The following MMS22L variants were observed in gnomAD, a reference collection of about 807,000 sequenced individuals.
The protein encoded by MMS22L is MMS22 like, DNA repair protein.
Under a neutral mutation model 159.1 loss-of-function variants are expected in MMS22L, and 74 were observed. The ratio of observed to expected loss-of-function variants is 0.47; its 90% confidence interval spans 0.39 to 0.56. The LOEUF (loss-of-function observed/expected upper bound fraction) is 0.56, where lower values mean the gene tolerates loss of function less well. Among genes scored for constraint, MMS22L ranks in the 20% least tolerant of loss-of-function variants. The pLI, the probability that MMS22L is intolerant of heterozygous loss-of-function variation, is 0.00. For missense variants in MMS22L, 1,351 were observed against 1,422.1 expected (o/e 0.95, Z 0.80); for synonymous variants, 517 against 506.9 (o/e 1.02, Z -0.27).
intron 23 of MMS22L, among the ~76,000 whole-genome samples, chr6:97,150,676 T>A (rs1801236216): frequency 1.3e-5 from 2 of 152,120 alleles, no homozygotes; most frequent in African/African-American, 4.8e-5. Flanking sequence ...ACAAATCCAT[T>A]GTTACTGACT....
At chr6:97,239,773 G>C (rs1811854401) in intron 11 of MMS22L, among the ~76,000 whole-genome samples, 1 of 152,116 alleles carries the variant, frequency 6.6e-6, no homozygotes, top group South Asian at 2.1e-4. Context: ...GCCAGACATG[G>C]TGGCATGCAC....
At chr6:97,159,131 A>AT (rs140191756) in intron 22 of MMS22L, among the ~76,000 whole-genome samples, 65,745 of 144,304 alleles carry the variant, frequency 0.46, 14,779 homozygotes, top group South Asian at 0.54. Context: ...GCAACCCCTG[A>AT]TTTTTTTTTT....
chr6:97,209,865 AAGC>A (rs1316075628), intron 14 of MMS22L, among the ~76,000 whole-genome samples: 1 of 151,978 alleles, frequency 6.6e-6, no homozygotes, highest in East Asian at 1.9e-4. Context: ...AAGTGAGAAA[AAGC>A]AGCTCTATAT....
At chr6:97,160,021 T>C (rs556114173) in intron 22 of MMS22L, among the ~76,000 whole-genome samples, 74 of 142,402 alleles carry the variant, frequency 5.2e-4, no homozygotes, top group African/African-American at 1.8e-3. Flanking sequence ...CTTAGCCTAA[T>C]ACTGTTTTCT....
intron 21 of MMS22L, among the ~76,000 whole-genome samples, chr6:97,163,453 G>A (rs1802650943): frequency 6.6e-6 from 1 of 151,742 alleles, no homozygotes; most frequent in African/African-American, 2.4e-5. Context: ...TAAAAAAAAA[G>A]CCTTCAACTA....
At chr6:97,249,833 A>C (rs1813057930) in intron 10 of MMS22L, among the ~76,000 whole-genome samples, 1 of 151,812 alleles carries the variant, frequency 6.6e-6, no homozygotes, top group African/African-American at 2.4e-5. Flanking sequence ...CCAAGTGAGA[A>C]GGGCCATGAC....
At chr6:97,204,505 A>G (rs1202570031) in intron 14 of MMS22L, among the ~76,000 whole-genome samples, 1 of 152,196 alleles carries the variant, frequency 6.6e-6, no homozygotes, top group Non-Finnish European at 1.5e-5. Context: ...AAAAGAATCA[A>G]CTAGGGCTGG....
At position 97,224,963 on chromosome 6, in the gene MMS22L, G is replaced by GTA. The variant is rs1401221960; in HGVS notation, c.2039+3929_2039+3930dup. 2.6e-5 allele frequency among the ~76,000 whole-genome samples: 4 copies of GTA among 152,218 alleles called. No homozygotes were observed. The East Asian group carries it at 7.7e-4, about 29-fold the overall frequency. ...AATATAGTGTAAGAAGGCAGCTGTG[G>GTA]TATAGTTGGTTAAGAGTCTGAGTGC... On this transcript the variant is annotated intron_variant, in intron 14 of 24. Coordinates refer to ENST00000683635, the MANE Select transcript of MMS22L (RefSeq NM_001350599.2).
intron 12 of MMS22L, 101 bp from the exon 13 acceptor site, chr6:97,231,753 C>T (rs1810898607): frequency 1.3e-6 from 1 of 786,576 alleles, no homozygotes; most frequent in African/African-American, 1.8e-5. Flanking sequence ...AAAAGTCTGA[C>T]TCATCTTAAT....
At chr6:97,278,733 G>T in intron 4 of MMS22L, 116 bp downstream of exon 4, 1 of 735,736 alleles carries the variant, frequency 1.4e-6, no homozygotes, top group Non-Finnish European at 2.2e-6. Context: ...GTAAACTTCT[G>T]GCCTAATGCT....
intron 11 of MMS22L, among the ~76,000 whole-genome samples, chr6:97,237,478 T>C (rs893301304): frequency 3.3e-5 from 5 of 152,254 alleles, no homozygotes; most frequent in Admixed American, 3.3e-4. Flanking sequence ...GGCCTTTCTT[T>C]ACGCTTTTAT....
At chr6:97,240,052 C>T (rs1324692662) in intron 11 of MMS22L, among the ~76,000 whole-genome samples, 10 of 152,166 alleles carry the variant, frequency 6.6e-5, no homozygotes, top group Admixed American at 6.5e-4. Flanking sequence ...GAGATCAAGT[C>T]AAAGTACATG....
intron 22 of MMS22L, among the ~76,000 whole-genome samples, chr6:97,154,819 T>G (rs1801665693): frequency 6.6e-6 from 1 of 152,212 alleles, no homozygotes; most frequent in South Asian, 2.1e-4. Context: ...CCTACATATC[T>G]ATCTTTATGC....
intron 4 of MMS22L, among the ~76,000 whole-genome samples, chr6:97,277,123 A>G (rs1175195954): frequency 1.3e-5 from 2 of 152,216 alleles, no homozygotes; most frequent in Non-Finnish European, 2.9e-5. Context: ...TTCATAAAAC[A>G]TAAAAAATAG....
At chr6:97,196,694 A>G (rs1202452654) in intron 14 of MMS22L, among the ~76,000 whole-genome samples, 1 of 152,142 alleles carries the variant, frequency 6.6e-6, no homozygotes, top group Non-Finnish European at 1.5e-5. Context: ...ATTGCCTAAT[A>G]TATTTATACA....
intron 10 of MMS22L, chr6:97,254,010 A>G (rs1212508505): frequency 2.0e-5 from 3 of 152,432 alleles, no homozygotes; most frequent in South Asian, 2.1e-4. Flanking sequence ...TTTTTAAGTA[A>G]CACTGTAAAA....
chr6:97,246,603 A>G, intron 11 of MMS22L, 25 bp downstream of exon 11: 1 of 1,573,518 alleles, frequency 6.4e-7, no homozygotes, highest in Non-Finnish European at 8.6e-7. Flanking sequence ...CAAAATCCAC[A>G]AACTGTCTTA....
At chr6:97,215,271 G>A (rs528804526) in intron 14 of MMS22L, among the ~76,000 whole-genome samples, 55 of 152,010 alleles carry the variant, frequency 3.6e-4, no homozygotes, top group African/African-American at 1.0e-3. Flanking sequence ...CAACAGCAGC[G>A]GCTCTGCTCT....
chr6:97,187,021 T>C (rs1362379497), intron 14 of MMS22L, among the ~76,000 whole-genome samples: 2 of 152,124 alleles, frequency 1.3e-5, no homozygotes, highest in Non-Finnish European at 2.9e-5. Context: ...AATCTAGACA[T>C]GAAAACAATT....
Sources: allele counts gnomAD v4.1 joint callset (sites outside exome capture counted in the v4.1 genomes callset), GRCh38; gene constraint gnomAD v4.1.1; transcripts MANE v1.5; gene names NCBI Gene and HGNC (gene_info 2026-07-23, HGNC 2026-07-21).